The following KDM6A variants were observed in gnomAD, a reference collection of about 807,000 sequenced individuals.
The protein encoded by KDM6A is lysine-specific demethylase 6A.
KDM6A carries 11 observed loss-of-function variants against 117.6 expected under a neutral mutation model. The ratio of observed to expected loss-of-function variants is 0.09; its 90% CI spans 0.06 to 0.15. KDM6A has a LOEUF of 0.15. Ranked by LOEUF, KDM6A falls within the 10% of genes least tolerant of loss-of-function variation. KDM6A has a pLI of 1.00. For missense variants in KDM6A, 799 were observed against 1,077.3 expected, an observed-to-expected ratio of 0.74 and a Z score of 3.62; for synonymous variants, 384 against 396.1, an observed-to-expected ratio of 0.97 and a Z score of 0.36.
At chrX:44,886,257 T>C (rs1273587105) in intron 2 of KDM6A, among the ~76,000 whole-genome samples, 1 of 109,455 alleles carries the variant, frequency 9.1e-6, no homozygotes. Flanking sequence ...ACTGTATTGG[T>C]CAGGCTGGTC....
intron 5 of KDM6A, among the ~76,000 whole-genome samples, chrX:45,016,360 G>A (rs535232167): frequency 9.0e-6 from 1 of 111,039 alleles, no homozygotes; most frequent in South Asian, 3.8e-4. Flanking sequence ...AAAATTTGTG[G>A]AATTAGTTGA....
intron 2 of KDM6A, 27 bp from the exon 3 acceptor site, chrX:44,961,257 T>C (rs376257897): frequency 9.2e-7 from 1 of 1,091,863 alleles, no homozygotes; most frequent in Non-Finnish European, 1.3e-6. Flanking sequence ...ATTTTTTGCT[T>C]ACATATTTGT....
chrX:45,025,296 G>GA (rs1279515119), intron 6 of KDM6A, among the ~76,000 whole-genome samples: 2 of 111,351 alleles, frequency 1.8e-5, no homozygotes, highest in African/African-American at 6.6e-5. Context: ...CCGAGTAGCT[G>GA]GGACTACCGG....
At chrX:45,045,687 C>T (rs1347325854) in intron 8 of KDM6A, among the ~76,000 whole-genome samples, 3 of 110,607 alleles carry the variant, frequency 2.7e-5, no homozygotes, top group Non-Finnish European at 3.8e-5. Context: ...TAGCATGTGT[C>T]AGAATTCCAT....
At chrX:45,005,795 A>G (rs1308337367) in intron 4 of KDM6A, among the ~76,000 whole-genome samples, 1 of 108,818 alleles carries the variant, frequency 9.2e-6, no homozygotes, top group East Asian at 2.9e-4. Context: ...CCCTTACTGA[A>G]AATTTGTCAC....
chrX:44,945,423 G>A (rs1293623789), intron 2 of KDM6A, among the ~76,000 whole-genome samples: 1 of 109,539 alleles, frequency 9.1e-6, no homozygotes, highest in Non-Finnish European at 1.9e-5. Context: ...ACTGCACCTT[G>A]GCCTGAAGCA....
chrX:45,022,308 T>C (rs2042197464), intron 6 of KDM6A, among the ~76,000 whole-genome samples: 1 of 112,275 alleles, frequency 8.9e-6, no homozygotes, highest in African/African-American at 3.2e-5. Context: ...GTGGGAACAT[T>C]CCTGCATACC....
chrX:45,060,816 G>C (rs1315261134), intron 14 of KDM6A, 52 bp downstream of exon 14: 3 of 822,021 alleles, frequency 3.6e-6, no homozygotes, highest in Admixed American at 3.5e-5. Flanking sequence ...AGTTTCAGCT[G>C]CCCTGAAATT....
At chrX:44,983,165 A>G (rs1053199984) in intron 4 of KDM6A, among the ~76,000 whole-genome samples, 1 of 111,903 alleles carries the variant, frequency 8.9e-6, no homozygotes, top group Non-Finnish European at 1.9e-5. Flanking sequence ...GAAGCAGAAC[A>G]CATCTTAGAA....
At chrX:44,895,611 C>A (rs1385640279) in intron 2 of KDM6A, among the ~76,000 whole-genome samples, 2 of 107,154 alleles carry the variant, frequency 1.9e-5, no homozygotes, top group African/African-American at 6.8e-5. Context: ...GAATCATTTC[C>A]TTTTCTCTGA....
chrX:45,027,307 T>TAC (rs374328149), intron 6 of KDM6A, among the ~76,000 whole-genome samples: 10 of 96,107 alleles, frequency 1.0e-4, no homozygotes, highest in East Asian at 6.4e-4. Context: ...GAGACACACA[T>TAC]ACACACACAC....
chrX:44,981,174 C>T (rs2039889391), intron 4 of KDM6A, among the ~76,000 whole-genome samples: 1 of 111,637 alleles, frequency 9.0e-6, no homozygotes, highest in African/African-American at 3.3e-5. Flanking sequence ...CTGACATTAT[C>T]TACCTGGAGA....
At chrX:44,974,177 C>G (rs1419408802) in intron 3 of KDM6A, among the ~76,000 whole-genome samples, 1 of 111,368 alleles carries the variant, frequency 9.0e-6, no homozygotes, top group Non-Finnish European at 1.9e-5. Flanking sequence ...GTTGGAGAAT[C>G]TCTGCATTTT....
chrX:44,877,432 AT>A (rs1458565234), intron 2 of KDM6A, among the ~76,000 whole-genome samples: 1 of 111,040 alleles, frequency 9.0e-6, no homozygotes, highest in Admixed American at 9.7e-5. Flanking sequence ...ATAATTCAAG[AT>A]TCTTATTTTT....
At chrX:44,965,892 G>A (rs1168695148) in intron 3 of KDM6A, among the ~76,000 whole-genome samples, 1 of 111,689 alleles carries the variant, frequency 9.0e-6, no homozygotes, top group Admixed American at 9.5e-5. Context: ...AAAGCAAAGT[G>A]CAATAAAACA....
At chrX:45,058,018 A>G (rs1401953677) in intron 10 of KDM6A, among the ~76,000 whole-genome samples, 2 of 107,191 alleles carry the variant, frequency 1.9e-5, no homozygotes, top group African/African-American at 6.8e-5. Flanking sequence ...CTGGCTGGCA[A>G]TTAGGAATCA....
At chrX:44,970,015 G>A (rs1050233682) in intron 3 of KDM6A, among the ~76,000 whole-genome samples, 1 of 112,144 alleles carries the variant, frequency 8.9e-6, no homozygotes, top group Non-Finnish European at 1.9e-5. Context: ...CTGTGCTTTG[G>A]TCAAAAGGAT....
chrX:44,997,061 T>C (rs1357267226), intron 4 of KDM6A, among the ~76,000 whole-genome samples: 1 of 111,335 alleles, frequency 9.0e-6, no homozygotes, highest in Non-Finnish European at 1.9e-5. Flanking sequence ...AATGTCTGTC[T>C]AGGGGTGAAT....
At chrX:45,029,078 G>T (rs937916298) in intron 6 of KDM6A, among the ~76,000 whole-genome samples, 5 of 111,766 alleles carry the variant, frequency 4.5e-5, no homozygotes, top group Non-Finnish European at 7.5e-5. Context: ...ACTTAAGGGC[G>T]TTATAGATAT....
Sources: allele counts gnomAD v4.1 joint callset (sites outside exome capture counted in the v4.1 genomes callset), GRCh38; gene constraint gnomAD v4.1.1; transcripts MANE v1.5; gene names NCBI Gene and HGNC (gene_info 2026-07-23, HGNC 2026-07-21).